The following LPAR1 variants were observed in gnomAD, a reference collection of about 807,000 sequenced individuals.
LPAR1 encodes the protein LPA receptor 1.
In LPAR1, 5 loss-of-function variants were observed where a neutral mutation model predicts 23.8. The ratio of observed to expected loss-of-function variants is 0.21; its 90% CI spans 0.11 to 0.44. The LOEUF is 0.44. Ranked by LOEUF, LPAR1 falls within the 20% of genes least tolerant of loss-of-function variation. LPAR1 has a pLI of 0.99. For missense variants in LPAR1, 311 were observed against 482.8 expected (o/e 0.64, Z 3.33); for synonymous variants, 160 against 164.7 (o/e 0.97, Z 0.22).
chr9:110,894,704 G>A (rs556596227), intron 5 of LPAR1, among the ~76,000 whole-genome samples: 1 of 152,226 alleles, frequency 6.6e-6, no homozygotes, highest in South Asian at 2.1e-4. Context: ...TTCAGAGTCA[G>A]TCCTCTTTTT....
chr9:110,958,884 C>T lies in LPAR1; in HGVS notation c.45+13189G>A, dbSNP rs1008948203. Among the ~76,000 whole-genome samples the T allele has an allele frequency of 1.1e-4, 17 of 148,998 alleles. 1 individual carries two copies. The highest frequency in any genetic ancestry group is 1.1e-3 in the Admixed American group (16 of 15,034). ...AAAAAAAAAAAAAAGCAAATAATCT[C>T]ATTAAAAAGTGGGCAAAGGATATGA... On this transcript the variant is annotated intron_variant, in intron 4 of 5. Coordinates refer to ENST00000683809, the MANE Select transcript of LPAR1 (RefSeq NM_001351411.2).
intron 4 of LPAR1, among the ~76,000 whole-genome samples, chr9:110,958,749 A>G (rs2095845017): frequency 6.6e-6 from 1 of 152,126 alleles, no homozygotes; most frequent in Admixed American, 6.5e-5. Context: ...AAAACAATCA[A>G]TAGAATGAGA....
chr9:111,001,054 C>T (rs2097119983), intron 2 of LPAR1, among the ~76,000 whole-genome samples: 1 of 152,108 alleles, frequency 6.6e-6, no homozygotes, highest in African/African-American at 2.4e-5. Context: ...TTAAATAATA[C>T]TCCTCAAAAA....
At chr9:110,974,752 A>C (rs1437982381) in intron 2 of LPAR1, among the ~76,000 whole-genome samples, 2 of 152,178 alleles carry the variant, frequency 1.3e-5, no homozygotes, top group African/African-American at 4.8e-5. Context: ...CTTGTTTATC[A>C]CACTGTGAAA....
chr9:110,944,194 G>T (rs774676693), intron 4 of LPAR1, among the ~76,000 whole-genome samples: 1 of 151,978 alleles, frequency 6.6e-6, no homozygotes, highest in Non-Finnish European at 1.5e-5. Context: ...TCTGAGGTAG[G>T]GTCCCAAGTA....
intron 5 of LPAR1, among the ~76,000 whole-genome samples, chr9:110,915,140 T>G (rs182758248): frequency 3.4e-4 from 52 of 152,342 alleles, no homozygotes; most frequent in Non-Finnish European, 6.2e-4. Flanking sequence ...GTGCTTATGA[T>G]TCATAGTTTT....
intron 5 of LPAR1, among the ~76,000 whole-genome samples, chr9:110,883,295 C>A (rs1464683855): frequency 2.6e-5 from 4 of 152,144 alleles, no homozygotes; most frequent in African/African-American, 9.7e-5. Flanking sequence ...CTTCGCCTCC[C>A]AAAGTGCTAA....
Position 110,983,001 on chromosome 9 carries a change from C to CA in LPAR1, c.-181-9444dup, listed in dbSNP as rs200040990. Among the ~76,000 whole-genome samples the CA allele has an allele frequency of 6.0e-3, 912 of 151,404 alleles. 3 individuals carry two copies. The highest frequency in any genetic ancestry group is 0.017 in the Middle Eastern group (5 of 294). The stretch of plus-strand genomic sequence containing the variant: ...TGACACCCATTAAGATAGCCATTAT[C>CA]AAAAAAAGAAAAGAAGTATTAGCAA... On this transcript the variant is annotated intron_variant, in intron 2 of 5. Transcript: ENST00000683809.
chr9:111,008,706 G>C (rs2097267895), intron 2 of LPAR1, among the ~76,000 whole-genome samples: 1 of 152,146 alleles, frequency 6.6e-6, no homozygotes, highest in South Asian at 2.1e-4. Context: ...AGTCGCCCCT[G>C]AGAATTTATA....
intron 5 of LPAR1, 21 bp from the exon 6 acceptor site, chr9:110,875,743 A>C: frequency 1.4e-6 from 2 of 1,393,462 alleles, no homozygotes; most frequent in Non-Finnish European, 1.9e-6. Context: ...AAGGATAGGG[A>C]TCAGAAGGAT....
intron 2 of LPAR1, among the ~76,000 whole-genome samples, chr9:111,025,301 G>C (rs951469220): frequency 1.3e-5 from 2 of 152,324 alleles, no homozygotes; most frequent in South Asian, 4.2e-4. Context: ...AATGACCAGT[G>C]ATGATGAGCT....
At chr9:110,950,758 T>C (rs569806260) in intron 4 of LPAR1, among the ~76,000 whole-genome samples, 4 of 152,164 alleles carry the variant, frequency 2.6e-5, no homozygotes, top group South Asian at 4.1e-4. Context: ...CCTAAATAAA[T>C]GAAGAAATAA....
intron 2 of LPAR1, among the ~76,000 whole-genome samples, chr9:111,033,244 C>T (rs2097834755): frequency 6.6e-6 from 1 of 152,094 alleles, no homozygotes; most frequent in South Asian, 2.1e-4. Context: ...TTCTTTGGCC[C>T]AGCCCCACAA....
chr9:110,977,699 C>T (rs1261028844), intron 2 of LPAR1, among the ~76,000 whole-genome samples: 1 of 143,164 alleles, frequency 7.0e-6, no homozygotes, highest in Middle Eastern at 3.2e-3. Context: ...TGCATCAAAC[C>T]ACCATGGCAC....
chr9:110,987,986 GA>G (rs1040766788), intron 2 of LPAR1, among the ~76,000 whole-genome samples: 2 of 149,336 alleles, frequency 1.3e-5, no homozygotes, highest in African/African-American at 4.9e-5. Context: ...CTGGATTAAA[GA>G]AAAAAAAAGA....
At chr9:110,932,531 A>G (rs1446920387) in intron 5 of LPAR1, among the ~76,000 whole-genome samples, 2 of 152,260 alleles carry the variant, frequency 1.3e-5, no homozygotes, top group African/African-American at 4.8e-5. Context: ...AGGAAACAGA[A>G]TAACAGAATG....
At chr9:110,934,843 CAGAG>C (rs56165251) in intron 5 of LPAR1, among the ~76,000 whole-genome samples, 1 of 146,734 alleles carries the variant, frequency 6.8e-6, no homozygotes, top group African/African-American at 2.5e-5. Flanking sequence ...CACACACACA[CAGAG>C]AGTGAGAGAG....
chr9:110,980,431 T>C (rs998151903), intron 2 of LPAR1, among the ~76,000 whole-genome samples: 22 of 152,060 alleles, frequency 1.4e-4, no homozygotes, highest in South Asian at 1.0e-3. Flanking sequence ...GCCTCAGAGC[T>C]ATTTGACACT....
intron 2 of LPAR1, among the ~76,000 whole-genome samples, chr9:110,980,910 A>C (rs1272481379): frequency 2.0e-5 from 3 of 152,108 alleles, no homozygotes; most frequent in Non-Finnish European, 4.4e-5. Context: ...ATATGTACAA[A>C]TGTATATCAA....
Sources: allele counts gnomAD v4.1 joint callset (sites outside exome capture counted in the v4.1 genomes callset), GRCh38; gene constraint gnomAD v4.1.1; transcripts MANE v1.5; gene names NCBI Gene and HGNC (gene_info 2026-07-23, HGNC 2026-07-21).